The following RAB38 variants were observed in gnomAD, a reference collection of about 807,000 sequenced individuals.
The protein encoded by RAB38 is ras-related protein Rab-38.
RAB38 carries 15 observed loss-of-function variants against 18.4 expected under a neutral mutation model. That is an observed-to-expected ratio of 0.82 (90% confidence interval 0.55 to 1.26). RAB38 has a LOEUF of 1.26. Ranked by LOEUF, RAB38 falls within the 50% of genes most tolerant of loss-of-function variation. The probability of loss-of-function intolerance (pLI) is 0.00; values close to 1 mark genes in which losing one functional copy is unlikely to be tolerated. For synonymous variants in RAB38, 101 were observed against 104.4 expected (o/e 0.97, Z 0.20); for missense variants, 294 against 267.4 (o/e 1.10, Z -0.69).
At chr11:88,030,898 T>C in the RAB38 span, among the ~76,000 whole-genome samples, 4 of 151,308 alleles carry the variant, frequency 2.6e-5, no homozygotes, top group South Asian at 6.3e-4. Context: ...ATCATCCTGA[T>C]ACCAAAGCGG....
the RAB38 span, among the ~76,000 whole-genome samples, chr11:88,006,568 T>C: frequency 1.0e-4 from 15 of 146,446 alleles, no homozygotes; most frequent in African/African-American, 3.5e-4. Context: ...ATACATTATA[T>C]ATATACACAT....
the RAB38 span, among the ~76,000 whole-genome samples, chr11:87,828,989 C>T: frequency 5.3e-5 from 8 of 152,128 alleles, no homozygotes; most frequent in Admixed American, 2.0e-4. Context: ...CTTAAAAACT[C>T]GAAGGGAATT....
chr11:88,155,049 C>A (rs1231476195), intron 1 of RAB38, among the ~76,000 whole-genome samples: 3 of 152,216 alleles, frequency 2.0e-5, no homozygotes, highest in African/African-American at 7.2e-5. Flanking sequence ...TAGGCGGCTA[C>A]TCTTCCCATG....
the RAB38 span, among the ~76,000 whole-genome samples, chr11:87,978,013 A>G: frequency 1.1e-5 from 1 of 94,688 alleles, no homozygotes; most frequent in African/African-American, 3.8e-5. Context: ...TTAATATTAT[A>G]TAAATATATA....
At chr11:88,172,109 G>C (rs1056120209) in intron 1 of RAB38, among the ~76,000 whole-genome samples, 1 of 152,236 alleles carries the variant, frequency 6.6e-6, no homozygotes, top group Non-Finnish European at 1.5e-5. Context: ...AAACAGCAAG[G>C]CTTGACTCTG....
the RAB38 span, among the ~76,000 whole-genome samples, chr11:88,026,025 C>T: frequency 2.0e-5 from 3 of 152,000 alleles, no homozygotes; most frequent in African/African-American, 4.8e-5. Context: ...AGTGCAATGG[C>T]GCGATTTTGG....
the RAB38 span, among the ~76,000 whole-genome samples, chr11:88,019,251 A>G: frequency 6.6e-6 from 1 of 152,114 alleles, no homozygotes; most frequent in African/African-American, 2.4e-5. Flanking sequence ...ATCTTTGTAA[A>G]TGGTACCATA....
chr11:87,948,872 C>A, the RAB38 span, among the ~76,000 whole-genome samples: 2,260 of 152,006 alleles, frequency 0.015, 26 homozygotes, highest in Non-Finnish European at 0.024. Context: ...TGTCTCTGCC[C>A]GGCTTTGGTA....
intron 1 of RAB38, chr11:88,174,137 C>A (rs533709119): frequency 2.1e-6 from 2 of 954,298 alleles, no homozygotes; most frequent in Non-Finnish European, 2.5e-6. Flanking sequence ...ATCCTTGACC[C>A]TTGCCCAACT....
chr11:87,956,480 C>G, the RAB38 span, among the ~76,000 whole-genome samples: 3 of 152,142 alleles, frequency 2.0e-5, no homozygotes, highest in African/African-American at 7.2e-5. Flanking sequence ...ATCACCTGCA[C>G]CATGGCCTCC....
chr11:87,927,973 G>C, the RAB38 span, among the ~76,000 whole-genome samples: 1 of 151,998 alleles, frequency 6.6e-6, no homozygotes, highest in Non-Finnish European at 1.5e-5. Context: ...AGGTACTCGG[G>C]AGGCTGAGGT....
chr11:87,871,965 A>G, the RAB38 span, among the ~76,000 whole-genome samples: 1 of 151,566 alleles, frequency 6.6e-6, no homozygotes, highest in South Asian at 2.1e-4. Flanking sequence ...ATTTTAGTGA[A>G]TATATGTACA....
the RAB38 span, among the ~76,000 whole-genome samples, chr11:87,845,570 G>A: frequency 6.6e-6 from 1 of 152,118 alleles, no homozygotes; most frequent in Non-Finnish European, 1.5e-5. Flanking sequence ...TTGAATACAT[G>A]TGTATCTGAA....
At chr11:88,025,500 A>T in the RAB38 span, among the ~76,000 whole-genome samples, 1 of 152,118 alleles carries the variant, frequency 6.6e-6, no homozygotes, top group East Asian at 1.9e-4. Flanking sequence ...TTTCACCAAC[A>T]GTGTATGTGT....
chr11:88,121,565 T>C (rs1942628916), intron 2 of RAB38, among the ~76,000 whole-genome samples: 1 of 150,408 alleles, frequency 6.6e-6, no homozygotes, highest in Non-Finnish European at 1.5e-5. Context: ...CCTGCTGCTC[T>C]TTTTTTGTTT....
At chr11:87,951,967 C>T in the RAB38 span, among the ~76,000 whole-genome samples, 340 of 152,292 alleles carry the variant, frequency 2.2e-3, 1 homozygote, top group African/African-American at 7.3e-3. Context: ...GTGTTGCTCA[C>T]GCTGGGAGCT....
chr11:87,891,319 AATATAG>A, the RAB38 span, among the ~76,000 whole-genome samples: 816 of 151,990 alleles, frequency 5.4e-3, 9 homozygotes, highest in African/African-American at 0.019. Context: ...CAAGGAAAAA[AATATAG>A]ATATAATCCC....
chr11:87,900,617 C>A, the RAB38 span, among the ~76,000 whole-genome samples: 1 of 150,792 alleles, frequency 6.6e-6, no homozygotes, highest in Non-Finnish European at 1.5e-5. Context: ...ATCTAATGTT[C>A]ATCTCTCCTT....
At chr11:87,848,161 G>A in the RAB38 span, among the ~76,000 whole-genome samples, 12 of 152,128 alleles carry the variant, frequency 7.9e-5, no homozygotes, top group African/African-American at 2.9e-4. Context: ...GCAGCTTTCA[G>A]AAAATTCTTT....
Sources: gnomAD v4.1 joint callset for allele counts (sites outside exome capture counted in the v4.1 genomes callset) on GRCh38, gnomAD v4.1.1 for gene constraint, MANE v1.5 for transcripts, NCBI Gene and HGNC (gene_info 2026-07-23, HGNC 2026-07-21) for gene names.